The following DYRK1A variants were observed in gnomAD, a reference collection of about 807,000 sequenced individuals.
DYRK1A encodes dual specificity tyrosine phosphorylation regulated kinase 1A.
Under a neutral mutation model 79.7 loss-of-function variants are expected in DYRK1A, and 9 were observed. That is an observed-to-expected ratio of 0.11 (90% CI 0.07 to 0.20). The LOEUF (loss-of-function observed/expected upper bound fraction) is 0.20. DYRK1A is among the 10% of genes least tolerant of loss of function. The pLI is 1.00. For synonymous variants in DYRK1A, 349 were observed against 329.7 expected (o/e 1.06, Z -0.63); for missense variants, 622 against 956.0 (o/e 0.65, Z 4.61).
rs2053922750 is a variant in DYRK1A at position 37,519,948 on chromosome 21, T to A, written c.*7417T>A. ...TTTTAGTAGAGATGGGGTTTCACCA[T>A]GTTAGGCAGGATGGTCTCAGTCTCC... On this transcript the variant is annotated 3_prime_UTR_variant, in exon 12 of 12. Coordinates refer to ENST00000647188, the MANE Select transcript of DYRK1A (RefSeq NM_001347721.2). The A allele has an allele frequency of 6.6e-6, 1 of 152,134 alleles. No individual in the cohort carries two copies. Among genetic ancestry groups the A allele is most frequent in the African/African-American group, 2.4e-5 (1 of 41,386 alleles). The allele number at this position is 152,134 out of a possible 1,614,324, so 9.4% of individuals were successfully genotyped here. A position where few individuals can be genotyped will look rare whatever the true frequency, so the allele number is the denominator to read the frequency against.
rs1352153098 is a variant in DYRK1A at position 37,516,911 on chromosome 21, C to T, written c.*4380C>T. ...GATTTGAAACACAACTAGAATGCTACAGGTCTCTCTTCCAGTATGCAGCTG... is the reference window on the plus strand; with the variant it reads ...GATTTGAAACACAACTAGAATGCTATAGGTCTCTCTTCCAGTATGCAGCTG... On this transcript the variant is annotated 3_prime_UTR_variant, in exon 12 of 12. Coordinates refer to ENST00000647188, the MANE Select transcript of DYRK1A (RefSeq NM_001347721.2). 2 of 152,208 alleles carry T rather than the reference C, an allele frequency of 1.3e-5. No individual in the cohort carries two copies. Among genetic ancestry groups the T allele is most frequent in the East Asian group, 1.9e-4 (1 of 5,198 alleles). 9.4% of individuals were successfully genotyped at this position (152,208 alleles called of 1,614,324 possible). A position where few individuals can be genotyped will look rare whatever the true frequency, so the allele number is the denominator to read the frequency against.
intron 2 of DYRK1A, among the ~76,000 whole-genome samples, chr21:37,467,417 G>A (rs2052068697): frequency 6.6e-6 from 1 of 152,180 alleles, no homozygotes; most frequent in South Asian, 2.1e-4. Flanking sequence ...TTTTTGTAGA[G>A]ATGGGGTCTC....
chr21:37,469,348 G>A lies in DYRK1A; in HGVS notation c.11-3336G>A, dbSNP rs76220866. 8.3e-3 allele frequency among the ~76,000 whole-genome samples: 1,257 copies of A among 152,242 alleles called. 21 individuals carry two copies. Among genetic ancestry groups the A allele is most frequent in the African/African-American group, 0.028 (1,182 of 41,538 alleles). On this transcript the variant is annotated intron_variant, in intron 2 of 11. Transcript: ENST00000647188. Reference sequence around the variant, plus strand: ...CCAAACTGGAAATAATCCAGGTGTCGGTCAGTAGTAGAATGGATAAATTAT... The same window carrying A: ...CCAAACTGGAAATAATCCAGGTGTCAGTCAGTAGTAGAATGGATAAATTAT...
rs199807626 is a variant in DYRK1A, at chr21:37,506,215, A to T, written c.1636A>T (p.Ser546Cys). The T allele has an allele frequency of 1.1e-5, 17 of 1,614,024 alleles. No individual in the cohort carries two copies. Among genetic ancestry groups the T allele is most frequent in the Non-Finnish European group, 1.4e-5 (17 of 1,180,036 alleles). Residue 546 changes from serine (S) to cysteine (C), a missense_variant, in exon 11 of 12, where the codon AGT (serine) becomes TGT (cysteine). Ser to Cys is a moderately radical substitution (Grantham distance 112). Transcript: ENST00000647188. The stretch of plus-strand genomic sequence containing the variant: ...GCAGGCCATGGACTGCGAGACACAC[A>T]GTCCCCAGGTGAGCTCGCACGTGGT... ...AVQAMDCETH[S>C]PQVRQQFPAP... is the part of the protein sequence containing the mutation.
At chr21:37,437,023 A>G (rs2050944595) in intron 2 of DYRK1A, among the ~76,000 whole-genome samples, 1 of 152,172 alleles carries the variant, frequency 6.6e-6, no homozygotes, top group Admixed American at 6.5e-5. Flanking sequence ...AATGGGCAGT[A>G]TTTTAACAGG....
Position 37,405,088 on chromosome 21 carries a change from CCT to C in DYRK1A, c.-76-15208_-76-15207del, listed in dbSNP as rs147469701. Among the ~76,000 whole-genome samples the C allele has an allele frequency of 9.0e-3, 1,376 of 152,086 alleles. 18 individuals are homozygous for C. The highest frequency in any genetic ancestry group is 0.032 in the African/African-American group (1,320 of 41,456). ...AGTTTTCTTTTACATTTTAGCTGTT[CCT>C]CTGATTATATTTCATGGGGTAGGTA... is the stretch of plus-strand genomic sequence containing the variant. On this transcript the variant is annotated intron_variant, in intron 1 of 11. Coordinates refer to ENST00000647188, the MANE Select transcript of DYRK1A (RefSeq NM_001347721.2).
chr21:37,365,844 G>A (rs73203936), upstream of DYRK1A: 11,526 of 152,540 alleles, frequency 0.076, 653 homozygotes, highest in Non-Finnish European at 0.11. Context: ...GGTGGGGAGA[G>A]GTTGGAAGCA....
rs1017510065 is a variant in DYRK1A, at chr21:37,480,994, G to T, written c.489+168G>T. Reference sequence around the variant, plus strand: ...ATAATTCTTTAAAGGTAGTGATACTGCATCAGTAATATAAACTCCTTAGAC... The same window carrying T: ...ATAATTCTTTAAAGGTAGTGATACTTCATCAGTAATATAAACTCCTTAGAC... On this transcript the variant is annotated intron_variant, in intron 5 of 11. Transcript: ENST00000647188. The T allele has an allele frequency of 7.2e-6, 4 of 558,732 alleles. No homozygotes were observed. In the South Asian group the frequency reaches 1.2e-4, roughly 16 times the overall value. 34.6% of individuals were successfully genotyped at this position (558,732 alleles called of 1,614,324 possible).
chr21:37,503,065 T>G (rs1318752372), intron 9 of DYRK1A: 1 of 146,472 alleles, frequency 6.8e-6, no homozygotes. Context: ...TTTCTCTTTG[T>G]TTGATTTCCG....
At chr21:37,377,181 G>T (rs1431956901) in intron 1 of DYRK1A, among the ~76,000 whole-genome samples, 1 of 152,008 alleles carries the variant, frequency 6.6e-6, no homozygotes, top group African/African-American at 2.4e-5. Context: ...GTGCAGTGGC[G>T]CAATCTCGGC....
chr21:37,483,015 C>A (rs1028128571), intron 5 of DYRK1A, among the ~76,000 whole-genome samples: 2 of 152,156 alleles, frequency 1.3e-5, no homozygotes, highest in African/African-American at 4.8e-5. Context: ...ACATGCTCTA[C>A]AATTTGTGCA....
At chr21:37,390,152 A>G (rs2049843303) in intron 1 of DYRK1A, among the ~76,000 whole-genome samples, 1 of 151,990 alleles carries the variant, frequency 6.6e-6, no homozygotes, top group South Asian at 2.1e-4. Context: ...ACCTGTCAGT[A>G]CCAAGTCTCC....
rs556797122 is a variant in DYRK1A at position 37,455,942 on chromosome 21, T to C, written c.11-16742T>C. Among the ~76,000 whole-genome samples, 362 of 152,284 alleles carry C rather than the reference T, an allele frequency of 2.4e-3. 2 individuals carry two copies. Among genetic ancestry groups the C allele is most frequent in the South Asian group, 0.016 (78 of 4,828 alleles). On this transcript the variant is annotated intron_variant, in intron 2 of 11. Transcript: ENST00000647188. ...CTAGCTAGTAAATGGCAAAATTGAA[T>C]CCAGACTCCTTATGGTGTTAATTGC...
intron 2 of DYRK1A, among the ~76,000 whole-genome samples, chr21:37,444,153 C>T (rs540368344): frequency 3.3e-5 from 5 of 152,288 alleles, no homozygotes; most frequent in Non-Finnish European, 7.3e-5. Flanking sequence ...TCAGATTGTA[C>T]CTTTTATTAT....
At position 37,479,606 on chromosome 21, in the gene DYRK1A, G is replaced by GTTTTTTTTT. The variant is rs1183029117; in HGVS notation, c.301-1027_301-1026insTTTTTTTTT. On this transcript the variant is annotated intron_variant, in intron 4 of 11. Coordinates refer to ENST00000647188, the MANE Select transcript of DYRK1A (RefSeq NM_001347721.2). The stretch of plus-strand genomic sequence containing the variant: ...GTGTTGGTGTTTTGTTTTTGTTTTT[G>GTTTTTTTTT]TTTTTGTTTTTTGTTTTTTTTTTTT... Among the ~76,000 whole-genome samples the GTTTTTTTTT allele has an allele frequency of 8.3e-3, 229 of 27,576 alleles. 40 individuals are homozygous for GTTTTTTTTT. Among genetic ancestry groups the GTTTTTTTTT allele is most frequent in the East Asian group, 0.058 (51 of 880 alleles). 18.1% of individuals were successfully genotyped at this position (27,576 alleles called of 152,430 possible).
chr21:37,466,159 A>G lies in DYRK1A; in HGVS notation c.11-6525A>G, dbSNP rs569904877. Among the ~76,000 whole-genome samples the G allele has an allele frequency of 9.2e-5, 14 of 152,362 alleles. 1 individual carries two copies. In the South Asian group the frequency reaches 2.9e-3, roughly 32 times the overall value. On this transcript the variant is annotated intron_variant, in intron 2 of 11. Transcript: ENST00000647188. ...CTATCTGGATGTCACAGAATTACCC[A>G]TCTTTCCTTCCAGATGCATCTTTCA...
chr21:37,479,697 G>A (rs1161246729), intron 4 of DYRK1A, among the ~76,000 whole-genome samples: 14 of 137,806 alleles, frequency 1.0e-4, no homozygotes, highest in African/African-American at 3.8e-4. Flanking sequence ...GCGCGATCTC[G>A]GCTCACCGCA....
chr21:37,485,260 C>CT (rs1404994996), intron 5 of DYRK1A, among the ~76,000 whole-genome samples: 3 of 152,190 alleles, frequency 2.0e-5, no homozygotes, highest in Non-Finnish European at 4.4e-5. Context: ...CCATCAGGAT[C>CT]TGGGCACTGA....
chr21:37,412,357 A>G (rs1323078205), intron 1 of DYRK1A, among the ~76,000 whole-genome samples: 3 of 152,226 alleles, frequency 2.0e-5, no homozygotes, highest in African/African-American at 7.2e-5. Flanking sequence ...GCTTTATGCA[A>G]AATAAATTAG....
Sources: gnomAD v4.1 joint callset for allele counts (sites outside exome capture counted in the v4.1 genomes callset) on GRCh38, gnomAD v4.1.1 for gene constraint, MANE v1.5 for transcripts, NCBI Gene and HGNC (gene_info 2026-07-23, HGNC 2026-07-21) for gene names.